The following NELL1 variants were observed in gnomAD, a reference collection of about 807,000 sequenced individuals.
NELL1 encodes the protein neural EGFL like 1, also known as protein kinase C-binding protein NELL1.
A neutral mutation model predicts 107.4 loss-of-function variants in NELL1; 76 were observed. That is an observed-to-expected ratio of 0.71 (90% confidence interval 0.59 to 0.86). The LOEUF is 0.86. Ranked by LOEUF, NELL1 falls within the 40% of genes least tolerant of loss-of-function variation. The probability of loss-of-function intolerance (pLI) is 0.00; values close to 1 mark genes in which losing one functional copy is unlikely to be tolerated. For missense variants in NELL1, 1,024 were observed against 1,005.5 expected (o/e 1.02, Z -0.25); for synonymous variants, 353 against 341.2 (o/e 1.03, Z -0.38).
At chr11:21,203,875 G>A (rs1357174518) in intron 13 of NELL1, among the ~76,000 whole-genome samples, 2 of 152,148 alleles carry the variant, frequency 1.3e-5, no homozygotes, top group African/African-American at 4.8e-5. Context: ...ATGAAGCTTA[G>A]TTTGGCTGGA....
At chr11:21,254,890 G>A (rs573490673) in intron 14 of NELL1, among the ~76,000 whole-genome samples, 2 of 152,118 alleles carry the variant, frequency 1.3e-5, no homozygotes, top group Non-Finnish European at 2.9e-5. Context: ...GAGCAGCTGA[G>A]CAAGCCCCAC....
intron 15 of NELL1, among the ~76,000 whole-genome samples, chr11:21,413,640 G>A (rs1852433117): frequency 6.6e-6 from 1 of 151,988 alleles, no homozygotes; most frequent in Admixed American, 6.6e-5. Flanking sequence ...CCTTATTTTA[G>A]CCTGTGTCTG....
At chr11:21,383,882 GCATGTTAAGGGTGGTATGGCCATAGACT>G (rs1232977791) in intron 15 of NELL1, 1 of 151,686 alleles carries the variant, frequency 6.6e-6, no homozygotes, top group African/African-American at 2.4e-5. Context: ...ACAAGATCGG[GCATGTTAAGGGTGGTATGGCCATAGACT>G]CATATTGCTT....
At chr11:21,029,462 C>T (rs1263912140) in intron 12 of NELL1, among the ~76,000 whole-genome samples, 1 of 152,074 alleles carries the variant, frequency 6.6e-6, no homozygotes, top group Non-Finnish European at 1.5e-5. Context: ...ATCTCCTCCT[C>T]TCCCTCACAA....
At chr11:21,386,068 G>A (rs1450838947) in intron 15 of NELL1, among the ~76,000 whole-genome samples, 1 of 151,712 alleles carries the variant, frequency 6.6e-6, no homozygotes, top group Non-Finnish European at 1.5e-5. Context: ...TTCATAAAAT[G>A]TATTACATTT....
chr11:20,889,472 T>C (rs1849573742), intron 5 of NELL1, among the ~76,000 whole-genome samples: 1 of 152,150 alleles, frequency 6.6e-6, no homozygotes, highest in Non-Finnish European at 1.5e-5. Flanking sequence ...TAGATCTTCA[T>C]TTAAAAAACT....
At chr11:20,865,300 G>A (rs1849074647) in intron 4 of NELL1, among the ~76,000 whole-genome samples, 1 of 152,196 alleles carries the variant, frequency 6.6e-6, no homozygotes, top group Admixed American at 6.5e-5. Flanking sequence ...CATGAAAAAG[G>A]TGACCCAGTA....
At chr11:20,962,146 T>C (rs1378401726) in intron 12 of NELL1, among the ~76,000 whole-genome samples, 1 of 152,150 alleles carries the variant, frequency 6.6e-6, no homozygotes, top group Non-Finnish European at 1.5e-5. Flanking sequence ...CCTTTGCTTA[T>C]GAACCTTTTC....
At chr11:21,288,433 A>G (rs950581396) in intron 14 of NELL1, among the ~76,000 whole-genome samples, 1 of 152,206 alleles carries the variant, frequency 6.6e-6, no homozygotes, top group Admixed American at 6.5e-5. Context: ...AAAAAATGGC[A>G]TCAACAAGTT....
chr11:21,462,069 TC>T (rs60264266), intron 15 of NELL1, among the ~76,000 whole-genome samples: 3,817 of 152,198 alleles, frequency 0.025, 166 homozygotes, highest in African/African-American at 0.085. Flanking sequence ...TCATTCATGG[TC>T]TTGTGTGTAG....
At chr11:21,465,857 A>C (rs554621677) in intron 15 of NELL1, among the ~76,000 whole-genome samples, 16 of 152,154 alleles carry the variant, frequency 1.1e-4, no homozygotes, top group African/African-American at 3.9e-4. Context: ...CTGGTAACTT[A>C]CTTGAACATT....
At chr11:20,726,547 A>T (rs926625961) in intron 2 of NELL1, among the ~76,000 whole-genome samples, 3 of 145,704 alleles carry the variant, frequency 2.1e-5, no homozygotes, top group East Asian at 2.0e-4. Context: ...TTCCTGCTTT[A>T]AAAAAAAAAC....
chr11:21,186,632 A>G (rs756772403), intron 13 of NELL1, among the ~76,000 whole-genome samples: 5 of 151,860 alleles, frequency 3.3e-5, no homozygotes, highest in African/African-American at 4.9e-5. Context: ...GTTTCAAGGA[A>G]AGGCTAATAT....
At chr11:21,555,839 C>A (rs1256616107) in intron 16 of NELL1, among the ~76,000 whole-genome samples, 1 of 151,884 alleles carries the variant, frequency 6.6e-6, no homozygotes, top group Non-Finnish European at 1.5e-5. Flanking sequence ...TGGATCTCTT[C>A]TGATGTGTTC....
intron 15 of NELL1, among the ~76,000 whole-genome samples, chr11:21,401,965 A>AC (rs1204616601): frequency 1.3e-5 from 2 of 151,668 alleles, no homozygotes; most frequent in Non-Finnish European, 2.9e-5. Context: ...TACAGTTTCC[A>AC]CCCCTCTCCT....
At chr11:21,485,538 C>T (rs1458500036) in intron 15 of NELL1, among the ~76,000 whole-genome samples, 3 of 151,796 alleles carry the variant, frequency 2.0e-5, no homozygotes, top group South Asian at 2.1e-4. Context: ...TAGGCAATGT[C>T]GTACATTCCA....
At chr11:20,684,585 G>T (rs1285527732) in intron 2 of NELL1, among the ~76,000 whole-genome samples, 1 of 152,068 alleles carries the variant, frequency 6.6e-6, no homozygotes, top group African/African-American at 2.4e-5. Context: ...TTGATTGACT[G>T]ATTTTTCTCC....
intron 15 of NELL1, among the ~76,000 whole-genome samples, chr11:21,442,942 CTTTTTTTTTTT>C (rs66501874): frequency 6.9e-5 from 4 of 57,592 alleles, no homozygotes; most frequent in Middle Eastern, 0.022. Context: ...GCTATCTTTC[CTTTTTTTTTTT>C]TTTTTTTTTT....
intron 11 of NELL1, among the ~76,000 whole-genome samples, chr11:20,959,371 C>A (rs1346053884): frequency 2.6e-5 from 4 of 152,158 alleles, no homozygotes; most frequent in African/African-American, 9.7e-5. Context: ...GACACTTGCA[C>A]GTGCATGTTG....
Sources: allele counts gnomAD v4.1 joint callset (sites outside exome capture counted in the v4.1 genomes callset), GRCh38; gene constraint gnomAD v4.1.1; transcripts MANE v1.5; gene names NCBI Gene and HGNC (gene_info 2026-07-23, HGNC 2026-07-21).